GABPA: variants seen among roughly 807,000 people sequenced by gnomAD.
The protein encoded by GABPA is GA binding protein transcription factor subunit alpha.
Under a neutral mutation model 59.4 loss-of-function variants are expected in GABPA, and 4 were observed. The ratio of observed to expected loss-of-function variants is 0.07; its 90% CI spans 0.03 to 0.15. The LOEUF (loss-of-function observed/expected upper bound fraction) is 0.15. Ranked by LOEUF, GABPA falls within the 10% of genes least tolerant of loss-of-function variation. The pLI, the probability that GABPA is intolerant of heterozygous loss-of-function variation, is 1.00. For missense variants in GABPA, 251 were observed against 543.8 expected (o/e 0.46, Z 5.36); for synonymous variants, 164 against 183.1 (o/e 0.90, Z 0.84).
chr21:25,740,827 A>G, intron 1 of GABPA, among the ~76,000 whole-genome samples: 1 of 152,256 alleles, frequency 6.6e-6, no homozygotes, highest in East Asian at 1.9e-4. Flanking sequence ...ACCAAATCCT[A>G]GCTGATTAAT....
At chr21:25,739,869 C>T (rs1454448227) in intron 1 of GABPA, among the ~76,000 whole-genome samples, 2 of 152,168 alleles carry the variant, frequency 1.3e-5, no homozygotes, top group East Asian at 1.9e-4. Flanking sequence ...CCTCTCTCCT[C>T]GATCTCCCAG....
intron 3 of GABPA, among the ~76,000 whole-genome samples, chr21:25,746,533 T>C (rs1429686096): frequency 6.6e-6 from 1 of 152,230 alleles, no homozygotes; most frequent in Non-Finnish European, 1.5e-5. Flanking sequence ...TTGAAGTGTT[T>C]TAACAAAATT....
At chr21:25,741,818 T>C in intron 2 of GABPA, 143 bp downstream of exon 2, 1 of 547,750 alleles carries the variant, frequency 1.8e-6, no homozygotes, top group Non-Finnish European at 3.2e-6. Context: ...TTATTTCCTC[T>C]GACTTAATGT....
intron 5 of GABPA, among the ~76,000 whole-genome samples, chr21:25,752,631 T>C (rs1179228578): frequency 6.6e-6 from 1 of 152,154 alleles, no homozygotes; most frequent in Non-Finnish European, 1.5e-5. Flanking sequence ...ATAAATAAGA[T>C]ACCATTGGGC....
chr21:25,757,592 G>A (rs1247968819), intron 5 of GABPA, among the ~76,000 whole-genome samples: 2 of 152,136 alleles, frequency 1.3e-5, no homozygotes, highest in African/African-American at 2.4e-5. Context: ...ATGGTTCATA[G>A]TTTGGAGAAT....
At chr21:25,744,042 C>CAAAAA (rs1182340915) in intron 2 of GABPA, among the ~76,000 whole-genome samples, 6 of 71,842 alleles carry the variant, frequency 8.4e-5, no homozygotes, top group African/African-American at 2.7e-4. Context: ...GACTCTGTCT[C>CAAAAA]AAAAAAAAAA....
intron 1 of GABPA, among the ~76,000 whole-genome samples, chr21:25,740,238 T>C (rs758725077): frequency 6.6e-6 from 1 of 152,254 alleles, no homozygotes; most frequent in Non-Finnish European, 1.5e-5. Context: ...GCAAAGCATT[T>C]GAATGCAGTG....
intron 1 of GABPA, among the ~76,000 whole-genome samples, chr21:25,741,077 G>C (rs2035208875): frequency 6.6e-6 from 1 of 152,160 alleles, no homozygotes; most frequent in Admixed American, 6.5e-5. Flanking sequence ...TGTCATGTCA[G>C]GTTAATAAAC....
At chr21:25,763,178 G>A (rs879211780) in intron 7 of GABPA, 30 of 515,842 alleles carry the variant, frequency 5.8e-5, no homozygotes, top group South Asian at 4.3e-4. Context: ...TTGGGTTTGG[G>A]TACCACCACA....
intron 5 of GABPA, among the ~76,000 whole-genome samples, chr21:25,753,391 T>C (rs902911015): frequency 2.6e-5 from 4 of 152,100 alleles, no homozygotes; most frequent in Non-Finnish European, 5.9e-5. Flanking sequence ...TAGTCCCTGA[T>C]GGAAAGCGAG....
intron 4 of GABPA, among the ~76,000 whole-genome samples, chr21:25,750,349 G>A (rs1409149182): frequency 6.6e-6 from 1 of 152,178 alleles, no homozygotes; most frequent in Admixed American, 6.5e-5. Context: ...GGGGACCTCT[G>A]ATCTGCCTGC....
Position 25,764,245 on chromosome 21 carries a change from A to G in GABPA, c.838A>G (p.Thr280Ala). ...TATTCCAGCATCAGTGCAATCTGCT[A>G]CACCTACTACCATTAAAGTTATAAA... is the stretch of plus-strand genomic sequence containing the variant. The part of the protein sequence containing the change: ...QIIPASVQSA[T>A]PTTIKVINSS... The change falls in exon 8 of 10, where the codon ACA (threonine) becomes GCA (alanine). Residue 280 changes from threonine (T) to alanine (A), a missense_variant. This residue lies in a region of GABPA where 207 missense variants were observed against 366.7 expected (regional missense o/e 0.56). Coordinates refer to ENST00000400075, the MANE Select transcript of GABPA (RefSeq NM_002040.4). 2 of 1,610,772 alleles carry G rather than the reference A, an allele frequency of 1.2e-6. No homozygotes were observed. The highest frequency in any genetic ancestry group is 1.7e-6 in the Non-Finnish European group (2 of 1,178,718).
intron 1 of GABPA, among the ~76,000 whole-genome samples, chr21:25,738,169 A>ATGT (rs2035129289): frequency 6.6e-6 from 1 of 152,156 alleles, no homozygotes; most frequent in Admixed American, 6.5e-5. Context: ...GGGGAATCTT[A>ATGT]TGTCCCTGCT....
chr21:25,741,508 A>G, intron 1 of GABPA, 65 bp from the exon 2 acceptor site: 8 of 772,766 alleles, frequency 1.0e-5, no homozygotes, highest in Non-Finnish European at 1.6e-5. Flanking sequence ...TTGGGTCTCT[A>G]CTTCTTGTGT....
At position 25,771,125 on chromosome 21, in the gene GABPA, A is replaced by G. The variant is rs970936419; in HGVS notation, c.*1893A>G. 4 of 151,980 alleles carry G rather than the reference A, an allele frequency of 2.6e-5. No homozygotes were observed. Among genetic ancestry groups the G allele is most frequent in the African/African-American group, 9.7e-5 (4 of 41,438 alleles). The allele number at this position is 151,980 out of a possible 1,614,324, so 9.4% of individuals were successfully genotyped here. ...AGTTGACAAGTTGCTTGTAGTTTTA[A>G]AAAAATAATAAAGTATACCCTTCTG... is the stretch of plus-strand genomic sequence containing the variant. On this transcript the variant is annotated 3_prime_UTR_variant, in exon 10 of 10. Coordinates refer to ENST00000400075, the MANE Select transcript of GABPA (RefSeq NM_002040.4).
At chr21:25,739,315 G>A (rs2123486567) in intron 1 of GABPA, among the ~76,000 whole-genome samples, 1 of 152,334 alleles carries the variant, frequency 6.6e-6, no homozygotes, top group Admixed American at 6.5e-5. Context: ...CTTAATGCTA[G>A]TGTAACAAAT....
At chr21:25,764,104 G>A in intron 7 of GABPA, 106 bp from the exon 8 acceptor site, 2 of 897,508 alleles carry the variant, frequency 2.2e-6, no homozygotes, top group South Asian at 4.4e-5. Flanking sequence ...ACTTTCTTGG[G>A]GGTAATTCAT....
At chr21:25,766,440 G>A (rs750536255) in intron 9 of GABPA, among the ~76,000 whole-genome samples, 5 of 152,064 alleles carry the variant, frequency 3.3e-5, no homozygotes, top group South Asian at 2.1e-4. Context: ...ATTTCTGTTC[G>A]TTGAAAGCCT....
In GABPA at chr21:25,771,012, A is replaced by G. The variant is rs528140682; in HGVS notation, c.*1780A>G. ...GTTTTAAGAATATCTGAGTAAAATAACAATATGAAATAATAAACAGAAGCT... is the reference window on the plus strand; with the variant it reads ...GTTTTAAGAATATCTGAGTAAAATAGCAATATGAAATAATAAACAGAAGCT... On this transcript the variant is annotated 3_prime_UTR_variant, in exon 10 of 10. Coordinates refer to ENST00000400075, the MANE Select transcript of GABPA (RefSeq NM_002040.4). 1.1e-4 allele frequency: 16 copies of G among 152,084 alleles called. No individual in the cohort carries two copies. The highest frequency in any genetic ancestry group is 2.4e-4 in the Non-Finnish European group (16 of 67,916). The allele number at this position is 152,084 out of a possible 1,614,324, so 9.4% of individuals were successfully genotyped here.
Sources: allele counts gnomAD v4.1 joint callset (sites outside exome capture counted in the v4.1 genomes callset), GRCh38; gene constraint gnomAD v4.1.1; regional missense constraint gnomAD v4.1.1; transcripts MANE v1.5; gene names NCBI Gene and HGNC (gene_info 2026-07-23, HGNC 2026-07-21).